ACOXL: variants seen among roughly 807,000 people sequenced by gnomAD.
The protein encoded by ACOXL is acyl-coenzyme A oxidase-like protein.
Under a neutral mutation model 71.9 loss-of-function variants are expected in ACOXL, and 70 were observed. The ratio of observed to expected loss-of-function variants is 0.97; its 90% CI spans 0.80 to 1.19. The LOEUF (loss-of-function observed/expected upper bound fraction) is 1.19, where lower values mean the gene tolerates loss of function less well. Ranked by LOEUF, ACOXL falls within the 50% of genes most tolerant of loss-of-function variation. ACOXL has a pLI of 0.00. For missense variants in ACOXL, 703 were observed against 736.3 expected (o/e 0.95, Z 0.52); for synonymous variants, 253 against 281.6 (o/e 0.90, Z 1.02).
rs545667687 is a variant in ACOXL at position 110,917,685 on chromosome 2, G to A, written c.905+8780G>A. On this transcript the variant is annotated intron_variant, in intron 11 of 17. Transcript: ENST00000439055. ...GTCTCAGCCCAAAATCTCCTTAAGC[G>A]TATAAGCAACTTCAGCAAAGTCTCA... Among the ~76,000 whole-genome samples, 213 of 152,244 alleles carry A rather than the reference G, an allele frequency of 1.4e-3. 1 individual carries two copies. The highest frequency in any genetic ancestry group is 6.8e-3 in the Middle Eastern group (2 of 294).
rs2060560004 is a variant in ACOXL, at chr2:110,933,634, G to A, written c.1051G>A (p.Gly351Arg). 6.2e-7 allele frequency: 1 copy of A among 1,610,970 alleles called. No individual in the cohort carries two copies. Among genetic ancestry groups the A allele is most frequent in the Middle Eastern group, 2.0e-4 (1 of 4,962 alleles). Reference protein sequence around the residue: ...RCLQDCRECTGGMVVGRELLA... With the variant: ...RCLQDCRECTRGMVVGRELLA... The stretch of plus-strand genomic sequence containing the variant: ...CCTGCAGGACTGCCGCGAGTGCACT[G>A]GAGGCATGGTGAGCCCCAAGGCCTG... The change falls in exon 12 of 18, where the codon GGA becomes AGA. Residue 351 changes from glycine (G) to arginine (R), a missense_variant. Transcript: ENST00000439055.
chr2:110,910,071 A>G (rs572361785), intron 11 of ACOXL, among the ~76,000 whole-genome samples: 46 of 152,252 alleles, frequency 3.0e-4, no homozygotes, highest in African/African-American at 1.1e-3. Context: ...TTCTCGTGTA[A>G]TAAACACTAA....
At chr2:111,035,846 C>T (rs768388281) in intron 15 of ACOXL, among the ~76,000 whole-genome samples, 2 of 152,222 alleles carry the variant, frequency 1.3e-5, no homozygotes, top group African/African-American at 2.4e-5. Context: ...CCGGGATCAG[C>T]ATTTTCCTCT....
intron 10 of ACOXL, among the ~76,000 whole-genome samples, chr2:110,882,731 C>A (rs1696811722): frequency 6.6e-6 from 1 of 152,120 alleles, no homozygotes; most frequent in African/African-American, 2.4e-5. Flanking sequence ...ATTGAAAAGA[C>A]CATCATTCCT....
At chr2:110,825,942 A>G (rs1689117982) in intron 9 of ACOXL, among the ~76,000 whole-genome samples, 1 of 152,208 alleles carries the variant, frequency 6.6e-6, no homozygotes, top group Non-Finnish European at 1.5e-5. Flanking sequence ...GGAGAGAAAG[A>G]TAATGAGGGG....
chr2:111,001,098 A>C (rs1405371814), intron 14 of ACOXL, among the ~76,000 whole-genome samples: 1 of 152,200 alleles, frequency 6.6e-6, no homozygotes, highest in African/African-American at 2.4e-5. Context: ...AGGCCTTCTG[A>C]GTTTACAAGT....
At chr2:110,750,887 G>T (rs1678851585) in intron 1 of ACOXL, among the ~76,000 whole-genome samples, 1 of 151,998 alleles carries the variant, frequency 6.6e-6, no homozygotes, top group Non-Finnish European at 1.5e-5. Flanking sequence ...GCTTCGCCAT[G>T]TTGCCCAGGC....
chr2:110,766,889 C>T (rs1310431870), intron 1 of ACOXL, among the ~76,000 whole-genome samples: 1 of 152,198 alleles, frequency 6.6e-6, no homozygotes, highest in Admixed American at 6.5e-5. Context: ...CCAAGGTGTG[C>T]ACCAGGTCGG....
At chr2:110,954,535 C>G (rs2149421003) in intron 12 of ACOXL, among the ~76,000 whole-genome samples, 1 of 152,288 alleles carries the variant, frequency 6.6e-6, no homozygotes, top group African/African-American at 2.4e-5. Context: ...GCACATTTAA[C>G]TTACGAAGTC....
chr2:110,899,088 A>G (rs2059128508), intron 10 of ACOXL, among the ~76,000 whole-genome samples: 1 of 152,228 alleles, frequency 6.6e-6, no homozygotes, highest in African/African-American at 2.4e-5. Context: ...AAAGATCTAA[A>G]TAAATGGAGA....
intron 17 of ACOXL, among the ~76,000 whole-genome samples, chr2:111,105,153 T>C (rs1186446134): frequency 3.3e-5 from 5 of 152,114 alleles, no homozygotes; most frequent in Non-Finnish European, 7.4e-5. Context: ...CGTATTTGTA[T>C]GGTTCTATTT....
At chr2:111,082,698 G>A (rs1177573225) in intron 16 of ACOXL, among the ~76,000 whole-genome samples, 1 of 152,078 alleles carries the variant, frequency 6.6e-6, no homozygotes, top group Admixed American at 6.5e-5. Flanking sequence ...ATACCCAAAG[G>A]ATTATAAATC....
intron 1 of ACOXL, among the ~76,000 whole-genome samples, chr2:110,742,625 G>T (rs1677685168): frequency 6.6e-6 from 1 of 152,216 alleles, no homozygotes; most frequent in Admixed American, 6.5e-5. Context: ...AGGACAGAAG[G>T]TGGGTGAATT....
At chr2:110,757,600 A>G (rs12619500) in intron 1 of ACOXL, among the ~76,000 whole-genome samples, 2,615 of 152,192 alleles carry the variant, frequency 0.017, 174 homozygotes, top group East Asian at 0.11. Context: ...ATTCTGACTG[A>G]TGTGAGCTGG....
intron 9 of ACOXL, among the ~76,000 whole-genome samples, chr2:110,811,203 C>T (rs1687277586): frequency 6.6e-6 from 1 of 152,228 alleles, no homozygotes; most frequent in African/African-American, 2.4e-5. Context: ...CACAGAAACT[C>T]CTCAGGCAGG....
chr2:110,777,535 A>C (rs907657827), intron 2 of ACOXL, among the ~76,000 whole-genome samples: 5 of 151,984 alleles, frequency 3.3e-5, no homozygotes, highest in Non-Finnish European at 7.4e-5. Flanking sequence ...GTATGGTGCA[A>C]CTCCACCCTG....
At chr2:110,953,576 A>G (rs374357370) in intron 12 of ACOXL, among the ~76,000 whole-genome samples, 164 of 152,262 alleles carry the variant, frequency 1.1e-3, no homozygotes, top group African/African-American at 3.5e-3. Context: ...TGTCTGATCT[A>G]TCAATTATTG....
chr2:110,873,965 C>T (rs746088237), intron 10 of ACOXL, among the ~76,000 whole-genome samples: 58 of 152,310 alleles, frequency 3.8e-4, no homozygotes, highest in African/African-American at 1.1e-3. Flanking sequence ...CGTGTGGCAT[C>T]GGCCAGCCCT....
chr2:110,853,495 G>T (rs1436946615), intron 10 of ACOXL, among the ~76,000 whole-genome samples: 2 of 152,188 alleles, frequency 1.3e-5, no homozygotes, highest in African/African-American at 4.8e-5. Flanking sequence ...GTTGGTTTTT[G>T]TGTTGATAAA....
Sources: gnomAD v4.1 joint callset for allele counts (sites outside exome capture counted in the v4.1 genomes callset) on GRCh38, gnomAD v4.1.1 for gene constraint, MANE v1.5 for transcripts, NCBI Gene and HGNC (gene_info 2026-07-23, HGNC 2026-07-21) for gene names.